RMST: variants seen among roughly 807,000 people sequenced by gnomAD.
RMST encodes the protein rhabdomyosarcoma 2 associated transcript, also known as long intergenic non-protein coding RNA 54.
At chr12:97,561,013 G>T (rs1884065229) in exon 13 of RMST, 1 of 152,370 alleles carries the variant, frequency 6.6e-6, no homozygotes, top group Non-Finnish European at 1.5e-5. Context: ...ATTCCAGCAA[G>T]TGCCAAGGGG....
rs536008810 is a variant in RMST at position 97,518,151 on chromosome 12, GT to G, written n.1341-12496del. Among the ~76,000 whole-genome samples the G allele has an allele frequency of 3.5e-3, 531 of 151,890 alleles. 8 individuals are homozygous for G. Among genetic ancestry groups the G allele is most frequent in the Middle Eastern group, 0.031 (9 of 294 alleles). On this transcript the variant is annotated intron_variant and non_coding_transcript_variant, in intron 10 of 13. Coordinates refer to ENST00000640149, the Ensembl canonical transcript of RMST. Reference sequence around the variant, plus strand: ...AGATAAAGTAGAGCACTTTTTAAAAGTTTTTTTTAAATAGAAATGTTTTATT... The same window carrying G: ...AGATAAAGTAGAGCACTTTTTAAAAGTTTTTTTAAATAGAAATGTTTTATT...
At chr12:97,564,455 G>A (rs374616103) in exon 14 of RMST, 1 of 152,790 alleles carries the variant, frequency 6.5e-6, no homozygotes. Context: ...GGACTTTAGA[G>A]TGGAGTTGCA....
chr12:97,562,439 G>T (rs891241971), intron 13 of RMST, among the ~76,000 whole-genome samples: 3 of 152,046 alleles, frequency 2.0e-5, no homozygotes, highest in Non-Finnish European at 2.9e-5. Context: ...TGGAAGGAGA[G>T]ATGTGGTAGA....
At position 97,556,866 on chromosome 12, in the gene RMST, C is replaced by G. The variant is rs9919794; in HGVS notation, n.1546-3671C>G. ...TAAAAATGAGATTATTTCAGACAAC[C>G]CTATTTAGAAAATAGACTTGGGAAA... On this transcript the variant is annotated intron_variant and non_coding_transcript_variant, in intron 11 of 13. Transcript: ENST00000640149. Among the ~76,000 whole-genome samples the G allele has an allele frequency of 4.6e-3, 703 of 152,142 alleles. 5 individuals carry two copies. Among genetic ancestry groups the G allele is most frequent in the African/African-American group, 0.016 (647 of 41,488 alleles).
chr12:97,481,934 G>A (rs137867684), intron 5 of RMST, among the ~76,000 whole-genome samples: 81 of 152,286 alleles, frequency 5.3e-4, no homozygotes, highest in African/African-American at 1.8e-3. Flanking sequence ...GCCAACACGA[G>A]CATGAATGTA....
intron 10 of RMST, among the ~76,000 whole-genome samples, chr12:97,525,344 T>C (rs1175291420): frequency 6.6e-6 from 1 of 152,160 alleles, no homozygotes; most frequent in African/African-American, 2.4e-5. Flanking sequence ...ATGCTGTGTG[T>C]ACTGCTGATC....
In RMST at chr12:97,466,444, G is replaced by A. The variant is rs549642161; in HGVS notation, n.644+717G>A. 1.9e-3 allele frequency among the ~76,000 whole-genome samples: 294 copies of A among 152,128 alleles called. 1 individual carries two copies. The highest frequency in any genetic ancestry group is 3.2e-3 in the Non-Finnish European group (219 of 67,966). On this transcript the variant is annotated intron_variant and non_coding_transcript_variant, in intron 5 of 13. Transcript: ENST00000640149. ...TCCCAAGATTTAATTTTAGGTATTT[G>A]GAGACAAGTACTCCTCGGTATGTAT...
In RMST at chr12:97,487,662, A is replaced by G. The variant is rs141568536; in HGVS notation, n.645-4799A>G. ...GACACTGTGCTTAAGTAACTTAAAG[A>G]TGCTCTCAGATAGAAAGTCTGAACA... On this transcript the variant is annotated intron_variant and non_coding_transcript_variant, in intron 5 of 13. Transcript: ENST00000640149. Among the ~76,000 whole-genome samples the G allele has an allele frequency of 2.6e-5, 4 of 152,286 alleles. No homozygotes were observed. The East Asian group carries it at 7.7e-4, about 29-fold the overall frequency.
At chr12:97,527,730 G>A (rs1186418115) in intron 10 of RMST, among the ~76,000 whole-genome samples, 2 of 152,064 alleles carry the variant, frequency 1.3e-5, no homozygotes, top group Non-Finnish European at 2.9e-5. Context: ...AATTTTAACT[G>A]AAGTCCTCCA....
chr12:97,552,603 G>A (rs1019140091), intron 11 of RMST, among the ~76,000 whole-genome samples: 8 of 152,168 alleles, frequency 5.3e-5, no homozygotes, highest in African/African-American at 1.9e-4. Context: ...GCAACACTGA[G>A]GAATTTGCAC....
intron 5 of RMST, among the ~76,000 whole-genome samples, chr12:97,474,898 G>A (rs1398568623): frequency 6.6e-6 from 1 of 152,094 alleles, no homozygotes; most frequent in Non-Finnish European, 1.5e-5. Flanking sequence ...ATTAGGAGAC[G>A]ATACACCTCT....
At chr12:97,498,179 G>T (rs995359768) in intron 10 of RMST, among the ~76,000 whole-genome samples, 1 of 106,146 alleles carries the variant, frequency 9.4e-6, no homozygotes, top group African/African-American at 8.0e-5. Context: ...TATTCTGTTA[G>T]ATTATTTTAC....
At chr12:97,491,150 G>A (rs962790751) in intron 5 of RMST, among the ~76,000 whole-genome samples, 1 of 152,178 alleles carries the variant, frequency 6.6e-6, no homozygotes, top group African/African-American at 2.4e-5. Context: ...CCCTCTGAGA[G>A]CATTCACAGG....
At chr12:97,488,624 C>T (rs144770663) in intron 5 of RMST, among the ~76,000 whole-genome samples, 4 of 152,178 alleles carry the variant, frequency 2.6e-5, no homozygotes, top group Admixed American at 6.5e-5. Flanking sequence ...AAAGGCAGTT[C>T]GGTGCATCCT....
intron 5 of RMST, among the ~76,000 whole-genome samples, chr12:97,490,845 G>A (rs533511034): frequency 1.2e-4 from 18 of 152,270 alleles, no homozygotes; most frequent in East Asian, 9.7e-4. Context: ...TGCACCCAGC[G>A]AAAGGGGATT....
At chr12:97,466,225 T>C (rs891565762) in intron 5 of RMST, among the ~76,000 whole-genome samples, 2 of 152,184 alleles carry the variant, frequency 1.3e-5, no homozygotes, top group African/African-American at 4.8e-5. Context: ...AAAAGTTCCA[T>C]GCTTCGGCGT....
rs989874097 is a variant in RMST at position 97,508,641 on chromosome 12, C to G, written n.1340+12585C>G. ...ACCATCCCCTTATACTGGCATCAGT[C>G]TGCCCAGGGTGTAACTTTTTTGTTG... On this transcript the variant is annotated intron_variant and non_coding_transcript_variant, in intron 10 of 13. Transcript: ENST00000640149. 2.6e-4 allele frequency among the ~76,000 whole-genome samples: 39 copies of G among 152,182 alleles called. 1 individual carries two copies. The highest frequency in any genetic ancestry group is 2.6e-4 in the Admixed American group (4 of 15,282).
chr12:97,470,670 G>A (rs1873806390), intron 5 of RMST, among the ~76,000 whole-genome samples: 1 of 151,962 alleles, frequency 6.6e-6, no homozygotes, highest in African/African-American at 2.4e-5. Flanking sequence ...ACTTTCTGGA[G>A]TTTCTAAGGG....
At chr12:97,551,450 G>T (rs1026796000) in intron 11 of RMST, among the ~76,000 whole-genome samples, 1 of 152,142 alleles carries the variant, frequency 6.6e-6, no homozygotes, top group Non-Finnish European at 1.5e-5. Context: ...GATAAATAGA[G>T]AATATTGATG....
Sources: allele counts gnomAD v4.1 joint callset (sites outside exome capture counted in the v4.1 genomes callset), GRCh38; gene constraint gnomAD v4.1.1; transcripts MANE v1.5; gene names NCBI Gene and HGNC (gene_info 2026-07-23, HGNC 2026-07-21).